The following KIRREL3 variants were observed in gnomAD, a reference collection of about 807,000 sequenced individuals.
The protein encoded by KIRREL3 is kirre like nephrin family adhesion molecule 3.
A neutral mutation model predicts 89.7 loss-of-function variants in KIRREL3; 36 were observed. The ratio of observed to expected loss-of-function variants is 0.40; its 90% CI spans 0.31 to 0.53. The LOEUF is 0.53. Among genes scored for constraint, KIRREL3 ranks in the 20% least tolerant of loss-of-function variants. The probability of loss-of-function intolerance (pLI) is 0.49; values close to 1 mark genes in which losing one functional copy is unlikely to be tolerated. For missense variants in KIRREL3, 864 were observed against 1,056.6 expected, an observed-to-expected ratio of 0.82 and a Z score of 2.53; for synonymous variants, 445 against 441.4, an observed-to-expected ratio of 1.01 and a Z score of -0.10.
chr11:126,504,649 A>G (rs1028133521), intron 4 of KIRREL3, among the ~76,000 whole-genome samples: 2 of 152,228 alleles, frequency 1.3e-5, no homozygotes, highest in African/African-American at 4.8e-5. Context: ...ACACTTCCCT[A>G]CTCATCCTAC....
chr11:126,518,012 C>A (rs968836929), intron 4 of KIRREL3, among the ~76,000 whole-genome samples: 2 of 152,230 alleles, frequency 1.3e-5, no homozygotes, highest in African/African-American at 4.8e-5. Flanking sequence ...ACAGAGGGCA[C>A]GCAGCCTGAC....
Position 126,521,224 on chromosome 11 carries a change from C to T in KIRREL3, c.433+91G>A. The stretch of plus-strand genomic sequence containing the variant: ...TGTGGGATGATCCCCAGAGGGGAGT[C>T]TCCCCATGTCTGACCAAAAAAATAC... On this transcript the variant is annotated intron_variant, in intron 4 of 16. Coordinates refer to ENST00000525144, the MANE Select transcript of KIRREL3 (RefSeq NM_032531.4). This position sits in a 1 kb window ranked among gnomAD's most constrained non-coding sequence, Gnocchi z 4.1. 2 of 1,335,808 alleles carry T rather than the reference C, an allele frequency of 1.5e-6. No individual in the cohort carries two copies. Among genetic ancestry groups the T allele is most frequent in the Non-Finnish European group, 2.0e-6 (2 of 1,018,918 alleles). 82.7% of individuals were successfully genotyped at this position (1,335,808 alleles called of 1,614,324 possible).
intron 1 of KIRREL3, among the ~76,000 whole-genome samples, chr11:126,673,653 C>T (rs899343280): frequency 6.6e-6 from 1 of 152,242 alleles, no homozygotes; most frequent in Non-Finnish European, 1.5e-5. Flanking sequence ...CCTCACTCAT[C>T]ACACGTGTGC....
intron 1 of KIRREL3, among the ~76,000 whole-genome samples, chr11:126,706,945 T>C (rs1320206209): frequency 6.6e-6 from 1 of 151,582 alleles, no homozygotes; most frequent in East Asian, 1.9e-4. Flanking sequence ...TTTTGACTTT[T>C]TTTTTTTTTT....
rs2134148593 is a variant in KIRREL3, at chr11:126,431,137, T to C, written c.1696+282A>G. 7.0e-7 allele frequency: 1 copy of C among 1,433,948 alleles called. No individual in the cohort carries two copies. 88.8% of individuals were successfully genotyped at this position (1,433,948 alleles called of 1,614,324 possible). A position where few individuals can be genotyped will look rare whatever the true frequency, so the allele number is the denominator to read the frequency against. On this transcript the variant is annotated intron_variant, in intron 14 of 16. Coordinates refer to ENST00000525144, the MANE Select transcript of KIRREL3 (RefSeq NM_032531.4). The surrounding 1 kb of genome is among the most constrained non-coding windows in gnomAD (Gnocchi z 7.1). ...TTTTCCCCCTATCTTTCTGTACAGTTCCTGACTGAAAGAGCTATGTGTTCA... is the reference window on the plus strand; with the variant it reads ...TTTTCCCCCTATCTTTCTGTACAGTCCCTGACTGAAAGAGCTATGTGTTCA...
At chr11:126,721,620 C>T (rs1045074786) in intron 1 of KIRREL3, among the ~76,000 whole-genome samples, 1 of 152,274 alleles carries the variant, frequency 6.6e-6, no homozygotes, top group South Asian at 2.1e-4. Context: ...GTAGGTGCCT[C>T]TCTGGCAATA....
chr11:126,793,675 A>G (rs1365803070), intron 1 of KIRREL3, among the ~76,000 whole-genome samples: 1 of 152,234 alleles, frequency 6.6e-6, no homozygotes, highest in Non-Finnish European at 1.5e-5. Context: ...TTGAGAGACT[A>G]AACTATTTCA....
chr11:126,574,831 A>C lies in KIRREL3; in HGVS notation c.56-11919T>G, dbSNP rs1334898447. ...CAACCCATTCATTTGTTTATTGATG[A>C]GCTGCTTAATACTTCTTGGAATAGG... is the stretch of plus-strand genomic sequence containing the variant. On this transcript the variant is annotated intron_variant, in intron 1 of 16. Transcript: ENST00000525144. This position sits in a 1 kb window ranked among gnomAD's most constrained non-coding sequence, Gnocchi z 5.3. Among the ~76,000 whole-genome samples, 1 of 152,170 alleles carries C rather than the reference A, an allele frequency of 6.6e-6. No homozygotes were observed. The highest frequency in any genetic ancestry group is 1.5e-5 in the Non-Finnish European group (1 of 68,032).
Position 126,805,452 on chromosome 11 carries a change from A to G in KIRREL3, c.55+195003T>C, listed in dbSNP as rs560162990. Among the ~76,000 whole-genome samples, 5 of 152,272 alleles carry G rather than the reference A, an allele frequency of 3.3e-5. No individual in the cohort carries two copies. The highest frequency in any genetic ancestry group is 9.6e-5 in the African/African-American group (4 of 41,564). On this transcript the variant is annotated intron_variant, in intron 1 of 16. Transcript: ENST00000525144. The surrounding 1 kb of genome is among the most constrained non-coding windows in gnomAD (Gnocchi z 4.3). ...TTAGACAGTTTCCCACACAAGCCTC[A>G]GCCCATCTCATCTGGTTTTGTTCTG... is the stretch of plus-strand genomic sequence containing the variant.
intron 1 of KIRREL3, among the ~76,000 whole-genome samples, chr11:126,737,631 C>T (rs12419324): frequency 0.044 from 6,755 of 152,282 alleles, 206 homozygotes; most frequent in Non-Finnish European, 0.062. Context: ...ACAGTACATG[C>T]CTGCCTCTTC....
At chr11:126,433,624 A>C (rs1955215206) in intron 13 of KIRREL3, among the ~76,000 whole-genome samples, 1 of 152,240 alleles carries the variant, frequency 6.6e-6, no homozygotes, top group Admixed American at 6.5e-5. Flanking sequence ...TTGGTTCAAC[A>C]GTCAGACTGA....
rs1947106843 is a variant in KIRREL3 at position 126,917,957 on chromosome 11, A to G, written c.55+82498T>C. Reference sequence around the variant, plus strand: ...ACACATCTTACAGTGATGGAGCAGAATTTAGATGCTGTGACTCATCTCTCC... The same window carrying G: ...ACACATCTTACAGTGATGGAGCAGAGTTTAGATGCTGTGACTCATCTCTCC... On this transcript the variant is annotated intron_variant, in intron 1 of 16. Coordinates refer to ENST00000525144, the MANE Select transcript of KIRREL3 (RefSeq NM_032531.4). The surrounding 1 kb of genome is among the most constrained non-coding windows in gnomAD (Gnocchi z 5.0). 6.6e-6 allele frequency among the ~76,000 whole-genome samples: 1 copy of G among 152,158 alleles called. No homozygotes were observed. Among genetic ancestry groups the G allele is most frequent in the Non-Finnish European group, 1.5e-5 (1 of 68,034 alleles).
rs143358081 is a variant in KIRREL3, at chr11:126,715,877, G to A, written c.56-152965C>T. The stretch of plus-strand genomic sequence containing the variant: ...CTTGGTGCTCCTCTGAAGAATGCAA[G>A]AGCAATCTGCAGTGTTATTGACTAG... On this transcript the variant is annotated intron_variant, in intron 1 of 16. Transcript: ENST00000525144. This position sits in a 1 kb window ranked among gnomAD's most constrained non-coding sequence, Gnocchi z 4.4. Among the ~76,000 whole-genome samples, 70 of 152,266 alleles carry A rather than the reference G, an allele frequency of 4.6e-4. 1 individual carries two copies. Among genetic ancestry groups the A allele is most frequent in the Admixed American group, 1.3e-3 (20 of 15,304 alleles).
At position 126,891,225 on chromosome 11, in the gene KIRREL3, A is replaced by C. The variant is rs966128488; in HGVS notation, c.55+109230T>G. On this transcript the variant is annotated intron_variant, in intron 1 of 16. Coordinates refer to ENST00000525144, the MANE Select transcript of KIRREL3 (RefSeq NM_032531.4). This position sits in a 1 kb window ranked among gnomAD's most constrained non-coding sequence, Gnocchi z 5.1. ...GCAAATTATAAAGGGTGATTAGGAA[A>C]TAGCATGGCTCTCTATCTTCTCATG... Among the ~76,000 whole-genome samples, 1 of 152,220 alleles carries C rather than the reference A, an allele frequency of 6.6e-6. No individual in the cohort carries two copies. The highest frequency in any genetic ancestry group is 2.4e-5 in the African/African-American group (1 of 41,468).
At chr11:126,785,064 A>G (rs1330118332) in intron 1 of KIRREL3, among the ~76,000 whole-genome samples, 1 of 152,134 alleles carries the variant, frequency 6.6e-6, no homozygotes, top group East Asian at 1.9e-4. Context: ...CTCAAATCAC[A>G]TTTTGCCTGT....
rs1946587948 is a variant in KIRREL3, at chr11:126,684,384, A to G, written c.56-121472T>C. The stretch of plus-strand genomic sequence containing the variant: ...AATGGAAACAAAGAAGTGATACATT[A>G]AAAACACATCGAAGCAAAACCTCCT... On this transcript the variant is annotated intron_variant, in intron 1 of 16. Transcript: ENST00000525144. The surrounding 1 kb of genome is among the most constrained non-coding windows in gnomAD (Gnocchi z 4.2). 6.6e-6 allele frequency among the ~76,000 whole-genome samples: 1 copy of G among 152,248 alleles called. No individual in the cohort carries two copies. Among genetic ancestry groups the G allele is most frequent in the Non-Finnish European group, 1.5e-5 (1 of 68,044 alleles).
Position 126,817,903 on chromosome 11 carries a change from C to T in KIRREL3, c.55+182552G>A, listed in dbSNP as rs1041531286. On this transcript the variant is annotated intron_variant, in intron 1 of 16. Coordinates refer to ENST00000525144, the MANE Select transcript of KIRREL3 (RefSeq NM_032531.4). This position sits in a 1 kb window ranked among gnomAD's most constrained non-coding sequence, Gnocchi z 5.7. ...GGTGGGAAGCTCTAGATCTTGGCAC[C>T]CCGTCCTCTTGGCTCTGGCTGAGCC... 9.2e-5 allele frequency among the ~76,000 whole-genome samples: 14 copies of T among 152,296 alleles called. No individual in the cohort carries two copies. In the South Asian group the frequency reaches 1.0e-3, roughly 11 times the overall value.
rs1465208708 is a variant in KIRREL3 at position 126,653,126 on chromosome 11, T to C, written c.56-90214A>G. Reference sequence around the variant, plus strand: ...TTGTAATTGTCTTGTGAGGAATATATGTACACAACTGAAAAGTTAAGTAAA... The same window carrying C: ...TTGTAATTGTCTTGTGAGGAATATACGTACACAACTGAAAAGTTAAGTAAA... On this transcript the variant is annotated intron_variant, in intron 1 of 16. Coordinates refer to ENST00000525144, the MANE Select transcript of KIRREL3 (RefSeq NM_032531.4). This position sits in a 1 kb window ranked among gnomAD's most constrained non-coding sequence, Gnocchi z 5.4. Among the ~76,000 whole-genome samples, 1 of 152,202 alleles carries C rather than the reference T, an allele frequency of 6.6e-6. No homozygotes were observed. The highest frequency in any genetic ancestry group is 1.5e-5 in the Non-Finnish European group (1 of 68,032).
intron 5 of KIRREL3, among the ~76,000 whole-genome samples, chr11:126,467,551 G>A (rs1956765358): frequency 6.6e-6 from 1 of 152,144 alleles, no homozygotes; most frequent in African/African-American, 2.4e-5. Flanking sequence ...GTCTGGAAAG[G>A]CCGAGAGTAG....
Sources: gnomAD v4.1 joint callset for allele counts (sites outside exome capture counted in the v4.1 genomes callset) on GRCh38, gnomAD v4.1.1 for gene constraint, Gnocchi (gnomAD v3.1) non-coding constraint, MANE v1.5 for transcripts, NCBI Gene and HGNC (gene_info 2026-07-23, HGNC 2026-07-21) for gene names.